The following FHIT variants were observed in gnomAD, a reference collection of about 807,000 sequenced individuals.
FHIT encodes bis(5'-adenosyl)-triphosphatase.
In FHIT, 19 loss-of-function variants were observed where a neutral mutation model predicts 17.9. The observed-to-expected ratio is 1.06, with a 90% confidence interval of 0.74 to 1.56. The LOEUF (loss-of-function observed/expected upper bound fraction) is 1.56, where lower values mean the gene tolerates loss of function less well. Ranked by LOEUF, FHIT falls within the 40% of genes most tolerant of loss-of-function variation. The pLI, the probability that FHIT is intolerant of heterozygous loss-of-function variation, is 0.00. For missense variants in FHIT, 248 were observed against 189.2 expected (o/e 1.31, Z -1.82); for synonymous variants, 81 against 69.7 (o/e 1.16, Z -0.81).
chr3:60,491,613 C>G (rs1181250273), intron 5 of FHIT, among the ~76,000 whole-genome samples: 2 of 152,152 alleles, frequency 1.3e-5, no homozygotes, highest in South Asian at 2.1e-4. Context: ...AGTAATATTC[C>G]TTTATATCAC....
At position 60,112,574 on chromosome 3, in the gene FHIT, C is replaced by G. The variant is rs146716183; in HGVS notation, c.104-98422G>C. ...AGCCAAAGGAGGGCTGAAATATGGC[C>G]TCCACATGGCTTTCACCTTCCACAC... On this transcript the variant is annotated intron_variant, in intron 5 of 9. Coordinates refer to ENST00000492590, the MANE Select transcript of FHIT (RefSeq NM_002012.4). Among the ~76,000 whole-genome samples the G allele has an allele frequency of 7.7e-3, 1,180 of 152,300 alleles. 10 individuals are homozygous for G. The highest frequency in any genetic ancestry group is 0.011 in the Non-Finnish European group (755 of 68,034).
chr3:60,862,107 A>T (rs1703938996), intron 3 of FHIT, among the ~76,000 whole-genome samples: 1 of 152,186 alleles, frequency 6.6e-6, no homozygotes, highest in Admixed American at 6.6e-5. Flanking sequence ...ATAACTTGGT[A>T]AATAAAACAG....
At chr3:60,285,741 T>C (rs1707694775) in intron 5 of FHIT, among the ~76,000 whole-genome samples, 1 of 152,220 alleles carries the variant, frequency 6.6e-6, no homozygotes, top group Non-Finnish European at 1.5e-5. Context: ...GCTGAGACTG[T>C]CAGCTAGAAC....
At chr3:60,897,261 T>A (rs1217414491) in intron 3 of FHIT, among the ~76,000 whole-genome samples, 1 of 152,220 alleles carries the variant, frequency 6.6e-6, no homozygotes, top group Admixed American at 6.5e-5. Flanking sequence ...TATTTTCATA[T>A]ACTTAAGGAC....
intron 5 of FHIT, among the ~76,000 whole-genome samples, chr3:60,220,627 C>G (rs986340556): frequency 2.6e-5 from 4 of 151,812 alleles, no homozygotes; most frequent in Admixed American, 1.3e-4. Context: ...CATTTCCTAC[C>G]ACCTTTAAAT....
chr3:61,063,788 C>A (rs2034511052), intron 2 of FHIT, among the ~76,000 whole-genome samples: 2 of 108,082 alleles, frequency 1.9e-5, no homozygotes, highest in African/African-American at 6.0e-5. Context: ...GTTGCCAAAT[C>A]TATGAATTTT....
intron 5 of FHIT, among the ~76,000 whole-genome samples, chr3:60,231,996 T>G (rs995747568): frequency 2.6e-5 from 4 of 152,164 alleles, no homozygotes; most frequent in African/African-American, 7.2e-5. Flanking sequence ...CAGATAACCA[T>G]GAGCAACAAT....
At chr3:60,013,726 A>G (rs1700227552) in intron 6 of FHIT, among the ~76,000 whole-genome samples, 1 of 152,196 alleles carries the variant, frequency 6.6e-6, no homozygotes, top group Non-Finnish European at 1.5e-5. Context: ...TCCCAGTTCC[A>G]GTAAGCAATT....
chr3:59,816,626 A>G (rs1036220202), intron 8 of FHIT, among the ~76,000 whole-genome samples: 1 of 152,122 alleles, frequency 6.6e-6, no homozygotes, highest in Non-Finnish European at 1.5e-5. Context: ...TGAACTCACA[A>G]TAGAAGGTAG....
intron 8 of FHIT, among the ~76,000 whole-genome samples, chr3:59,916,026 G>C (rs1705119539): frequency 6.6e-6 from 1 of 152,092 alleles, no homozygotes; most frequent in Admixed American, 6.6e-5. Flanking sequence ...TGGACTGAAG[G>C]ATGCAAAGTA....
At chr3:61,128,293 A>T (rs2036668457) in intron 2 of FHIT, among the ~76,000 whole-genome samples, 3 of 152,210 alleles carry the variant, frequency 2.0e-5, no homozygotes, top group South Asian at 4.1e-4. Flanking sequence ...AACTTTGATG[A>T]CTTATTGTAG....
chr3:60,981,454 G>A (rs1027713808), intron 3 of FHIT, among the ~76,000 whole-genome samples: 29 of 151,018 alleles, frequency 1.9e-4, no homozygotes, highest in African/African-American at 3.9e-4. Flanking sequence ...ACAGGTGCAC[G>A]CCACCACTAC....
chr3:59,778,377 G>T (rs1271281756), intron 8 of FHIT, among the ~76,000 whole-genome samples: 2 of 152,154 alleles, frequency 1.3e-5, no homozygotes, highest in African/African-American at 4.8e-5. Flanking sequence ...GGAGGCCCTG[G>T]TAATACACAG....
At chr3:60,953,308 G>A (rs1708971009) in intron 3 of FHIT, among the ~76,000 whole-genome samples, 1 of 152,088 alleles carries the variant, frequency 6.6e-6, no homozygotes, top group Admixed American at 6.6e-5. Context: ...TAAACGCAAG[G>A]ACGATTTCCT....
At chr3:60,104,626 A>G (rs1704332412) in intron 5 of FHIT, among the ~76,000 whole-genome samples, 1 of 152,170 alleles carries the variant, frequency 6.6e-6, no homozygotes, top group African/African-American at 2.4e-5. Flanking sequence ...AGAACTTCAG[A>G]TGAAAATAAC....
chr3:60,432,376 A>G (rs1018446799), intron 5 of FHIT, among the ~76,000 whole-genome samples: 2 of 152,080 alleles, frequency 1.3e-5, no homozygotes, highest in African/African-American at 4.8e-5. Context: ...CCTAATCTAG[A>G]TAGCTACTAC....
intron 3 of FHIT, among the ~76,000 whole-genome samples, chr3:60,954,340 A>T (rs1709021550): frequency 6.6e-6 from 1 of 152,230 alleles, no homozygotes; most frequent in Admixed American, 6.5e-5. Flanking sequence ...TGGGATTTGA[A>T]GCTTTTTACG....
chr3:60,869,095 A>T (rs1184260165), intron 3 of FHIT, among the ~76,000 whole-genome samples: 2 of 152,138 alleles, frequency 1.3e-5, no homozygotes, highest in Non-Finnish European at 2.9e-5. Flanking sequence ...GCAACACAAC[A>T]GGAAGGATTT....
At chr3:60,905,395 T>A (rs1706352971) in intron 3 of FHIT, among the ~76,000 whole-genome samples, 1 of 152,206 alleles carries the variant, frequency 6.6e-6, no homozygotes, top group Non-Finnish European at 1.5e-5. Context: ...TTGGCATTAG[T>A]TAACAAACTA....
Sources: gnomAD v4.1 joint callset for allele counts (sites outside exome capture counted in the v4.1 genomes callset) on GRCh38, gnomAD v4.1.1 for gene constraint, MANE v1.5 for transcripts, NCBI Gene and HGNC (gene_info 2026-07-23, HGNC 2026-07-21) for gene names.